The following KANSL1 variants were observed in gnomAD, a reference collection of about 807,000 sequenced individuals.
KANSL1 encodes KAT8 regulatory NSL complex subunit 1, also known as MLL1/MLL complex subunit KANSL1.
Under a neutral mutation model 103.6 loss-of-function variants are expected in KANSL1, and 22 were observed. The observed-to-expected ratio is 0.21, with a 90% confidence interval of 0.15 to 0.30. The LOEUF (loss-of-function observed/expected upper bound fraction) is 0.30, where lower values mean the gene tolerates loss of function less well. Ranked by LOEUF, KANSL1 falls within the 10% of genes least tolerant of loss-of-function variation. KANSL1 has a pLI of 1.00. For synonymous variants in KANSL1, 600 were observed against 527.6 expected, an observed-to-expected ratio of 1.14 and a Z score of -1.88; for missense variants, 1,337 against 1,399.8, an observed-to-expected ratio of 0.96 and a Z score of 0.72.
At chr17:46,190,825 T>C (rs553204865) in intron 1 of KANSL1, among the ~76,000 whole-genome samples, 5 of 152,256 alleles carry the variant, frequency 3.3e-5, no homozygotes, top group Non-Finnish European at 5.9e-5. Context: ...ATTTCATGAC[T>C]GAAGGTAGTT....
At chr17:46,128,601 A>T (rs1338843778) in intron 2 of KANSL1, among the ~76,000 whole-genome samples, 1 of 152,252 alleles carries the variant, frequency 6.6e-6, no homozygotes, top group Non-Finnish European at 1.5e-5. Flanking sequence ...TAGAGACCTG[A>T]ACAGGGTGAA....
intron 2 of KANSL1, among the ~76,000 whole-genome samples, chr17:46,102,907 G>C (rs2042381510): frequency 6.6e-6 from 1 of 152,160 alleles, no homozygotes; most frequent in Non-Finnish European, 1.5e-5. Context: ...ATTTAGACTG[G>C]GGGATCTAGA....
chr17:46,148,899 T>TAAAAAA, intron 2 of KANSL1, among the ~76,000 whole-genome samples: 1 of 138,876 alleles, frequency 7.2e-6, no homozygotes, highest in African/African-American at 2.6e-5. Context: ...TGCTTACACT[T>TAAAAAA]AAAAAAAAAA....
intron 1 of KANSL1, among the ~76,000 whole-genome samples, chr17:46,215,729 G>A (rs1031634901): frequency 6.6e-6 from 1 of 152,160 alleles, no homozygotes; most frequent in African/African-American, 2.4e-5. Context: ...TGGGGAAGTG[G>A]ATAAGATCAT....
intron 2 of KANSL1, among the ~76,000 whole-genome samples, chr17:46,107,674 C>T (rs1485845709): frequency 5.9e-5 from 9 of 152,176 alleles, no homozygotes; most frequent in African/African-American, 1.7e-4. Flanking sequence ...GAGCTGAAAT[C>T]GCTCCCCTCA....
chr17:46,180,861 A>G (rs2046756227), intron 1 of KANSL1, among the ~76,000 whole-genome samples: 1 of 152,198 alleles, frequency 6.6e-6, no homozygotes, highest in South Asian at 2.1e-4. Flanking sequence ...ATACATATAT[A>G]TATACACACA....
Position 46,030,564 on chromosome 17 carries a change from G to A in KANSL1, c.*912C>T, listed in dbSNP as rs2146290474. The stretch of plus-strand genomic sequence containing the variant: ...ACACCGACAGGGATCTGGATGTGAA[G>A]GAAACATGGCAAAGTGAATCAGAGG... On this transcript the variant is annotated 3_prime_UTR_variant, in exon 15 of 15. Coordinates refer to ENST00000432791, the MANE Select transcript of KANSL1 (RefSeq NM_015443.4). The A allele has an allele frequency of 6.7e-6, 1 of 149,840 alleles. No homozygotes were observed. Among genetic ancestry groups the A allele is most frequent in the South Asian group, 2.1e-4 (1 of 4,720 alleles). 9.3% of individuals were successfully genotyped at this position (149,840 alleles called of 1,614,324 possible).
chr17:46,055,394 G>T (rs1055415432), intron 6 of KANSL1, among the ~76,000 whole-genome samples: 1 of 151,604 alleles, frequency 6.6e-6, no homozygotes, highest in African/African-American at 2.4e-5. Flanking sequence ...GAACCCAGGA[G>T]GCAGACGTTA....
chr17:46,066,446 A>G, intron 6 of KANSL1, 91 bp downstream of exon 6: 2 of 1,197,886 alleles, frequency 1.7e-6, no homozygotes, highest in Non-Finnish European at 2.3e-6. Flanking sequence ...TGGTTAGCCA[A>G]GTTTAGAAAA....
chr17:46,217,519 T>C (rs2048378494), intron 1 of KANSL1, among the ~76,000 whole-genome samples: 2 of 150,346 alleles, frequency 1.3e-5, no homozygotes, highest in South Asian at 4.2e-4. Flanking sequence ...AAAGTTAAAA[T>C]GAGGTCATCA....
chr17:46,088,766 C>T (rs1158322960), intron 3 of KANSL1: 2 of 152,278 alleles, frequency 1.3e-5, no homozygotes, highest in Non-Finnish European at 2.9e-5. Flanking sequence ...GCCTATGGTC[C>T]CAGCTACTTG....
In KANSL1 at chr17:46,097,860, G is replaced by C. The variant is rs9892866; in HGVS notation, c.1290-3159C>G. ...ATCTGACCACGACAGAGTAAGACAT[G>C]AATTAATACTTAATCATACCATAAT... On this transcript the variant is annotated intron_variant, in intron 2 of 14. Transcript: ENST00000432791. 2.0e-5 allele frequency among the ~76,000 whole-genome samples: 3 copies of C among 147,214 alleles called. No individual in the cohort carries two copies. The South Asian group carries it at 6.2e-4, about 31-fold the overall frequency.
chr17:46,041,918 T>A (rs1271958306), intron 7 of KANSL1: 1 of 97,174 alleles, frequency 1.0e-5, no homozygotes, highest in African/African-American at 4.2e-5. Context: ...GTGTATATTT[T>A]TTTTTTTTTG....
intron 4 of KANSL1, among the ~76,000 whole-genome samples, chr17:46,080,564 A>C (rs1326695630): frequency 6.6e-6 from 1 of 152,084 alleles, no homozygotes; most frequent in African/African-American, 2.4e-5. Flanking sequence ...ATACAGAAAA[A>C]CTTTGCCTGG....
chr17:46,095,421 GC>G, intron 2 of KANSL1, among the ~76,000 whole-genome samples: 1 of 152,192 alleles, frequency 6.6e-6, no homozygotes, highest in Non-Finnish European at 1.5e-5. Context: ...CAGATTTGCT[GC>G]AAAACTATAG....
At chr17:46,084,548 G>C (rs1008216009) in intron 3 of KANSL1, among the ~76,000 whole-genome samples, 1 of 151,872 alleles carries the variant, frequency 6.6e-6, no homozygotes, top group African/African-American at 2.4e-5. Context: ...TGGGCGTGGT[G>C]GTGAGCCCCT....
Position 46,031,956 on chromosome 17 carries a change from G to T in KANSL1, c.3090+91C>A, listed in dbSNP as rs373179809. The stretch of plus-strand genomic sequence containing the variant: ...CCCTTTGTCCCTTCAAAAGGGGGAG[G>T]GGATGGCTAGGTCCCTCTTCAGCAG... On this transcript the variant is annotated intron_variant, in intron 14 of 14. Transcript: ENST00000432791. 1.5e-5 allele frequency: 24 copies of T among 1,568,856 alleles called. No individual in the cohort carries two copies. In the East Asian group the frequency reaches 5.2e-4, roughly 34 times the overall value.
intron 1 of KANSL1, among the ~76,000 whole-genome samples, chr17:46,185,794 G>A (rs1330812925): frequency 2.0e-5 from 3 of 151,748 alleles, no homozygotes; most frequent in East Asian, 3.9e-4. Context: ...AGTCAAGGTG[G>A]GAGGACTGCT....
At chr17:46,167,563 C>T (rs1339336699) in intron 2 of KANSL1, among the ~76,000 whole-genome samples, 2 of 152,100 alleles carry the variant, frequency 1.3e-5, no homozygotes, top group African/African-American at 4.8e-5. Context: ...GTTATATTTC[C>T]ACTGTACCAA....
Sources: gnomAD v4.1 joint callset for allele counts (sites outside exome capture counted in the v4.1 genomes callset) on GRCh38, gnomAD v4.1.1 for gene constraint, MANE v1.5 for transcripts, NCBI Gene and HGNC (gene_info 2026-07-23, HGNC 2026-07-21) for gene names.